SRPX: variants seen among roughly 807,000 people sequenced by gnomAD.
SRPX encodes sushi repeat-containing protein SRPX.
A neutral mutation model predicts 38.1 loss-of-function variants in SRPX; 24 were observed. The ratio of observed to expected loss-of-function variants is 0.63; its 90% CI spans 0.46 to 0.89. The LOEUF is 0.89. SRPX is among the 40% of genes least tolerant of loss of function. SRPX has a pLI of 0.00. For missense variants in SRPX, 416 were observed against 377.8 expected, an observed-to-expected ratio of 1.10 and a Z score of -0.84; for synonymous variants, 184 against 153.8, an observed-to-expected ratio of 1.20 and a Z score of -1.45.
intron 2 of SRPX, 46 bp downstream of exon 2, chrX:38,178,239 T>C (rs1212756256): frequency 1.8e-6 from 2 of 1,088,530 alleles, no homozygotes; most frequent in African/African-American, 3.6e-5. Context: ...AGGAAAGTTC[T>C]CCTGGCACCA....
intron 1 of SRPX, among the ~76,000 whole-genome samples, chrX:38,216,709 C>A (rs373701692): frequency 8.0e-5 from 9 of 112,461 alleles, no homozygotes; most frequent in Non-Finnish European, 1.5e-4. Flanking sequence ...CAAAACTAAA[C>A]CTTCTTCTGT....
intron 1 of SRPX, among the ~76,000 whole-genome samples, chrX:38,184,621 T>C (rs1257325741): frequency 9.0e-6 from 1 of 111,692 alleles, no homozygotes; most frequent in Non-Finnish European, 1.9e-5. Flanking sequence ...GCATGCTTTT[T>C]CTAGGGGAAA....
At chrX:38,158,248 T>C (rs886665871) in intron 7 of SRPX, among the ~76,000 whole-genome samples, 1 of 111,771 alleles carries the variant, frequency 8.9e-6, no homozygotes, top group Non-Finnish European at 1.9e-5. Context: ...AAACAGGACA[T>C]GGGACAAGGC....
At chrX:38,156,635 G>C (rs1938136663) in intron 8 of SRPX, among the ~76,000 whole-genome samples, 1 of 112,420 alleles carries the variant, frequency 8.9e-6, no homozygotes, top group South Asian at 3.7e-4. Context: ...GGCTAGGCCT[G>C]GACAGCATGT....
chrX:38,215,951 T>C (rs1031594909), intron 1 of SRPX, among the ~76,000 whole-genome samples: 1 of 112,356 alleles, frequency 8.9e-6, no homozygotes, highest in Non-Finnish European at 1.9e-5. Flanking sequence ...TCTTACTCTG[T>C]ATGTTGATTT....
intron 4 of SRPX, among the ~76,000 whole-genome samples, chrX:38,167,992 G>C (rs919673842): frequency 9.0e-6 from 1 of 111,390 alleles, no homozygotes; most frequent in Admixed American, 9.6e-5. Flanking sequence ...GCCCAGGCTG[G>C]TCTCGAACTC....
chrX:38,199,222 C>T (rs1000025865), intron 1 of SRPX, among the ~76,000 whole-genome samples: 4 of 110,798 alleles, frequency 3.6e-5, no homozygotes, highest in African/African-American at 9.8e-5. Context: ...CTGGCTAACA[C>T]GGTGAAACCC....
intron 2 of SRPX, among the ~76,000 whole-genome samples, chrX:38,177,859 G>A (rs932437593): frequency 5.3e-5 from 6 of 112,152 alleles, no homozygotes; most frequent in African/African-American, 1.9e-4. Flanking sequence ...AGAGCACGAT[G>A]AAATGAGCTT....
Position 38,157,021 on chromosome X carries a change from C to T in SRPX, c.964G>A (p.Val322Ile), listed in dbSNP as rs763884828. ...GTEPTCAAMN[V>I]NVGVRTAAAL... ...GCTGCCGTTCTGACACCCACATTGA[C>T]GTTCATGGCTGTAATCAGAAATGGC... Residue 322 changes from valine (V) to isoleucine (I), a missense_variant, in exon 8 of 10, where the codon GTC (valine) becomes ATC (isoleucine). Physicochemically the swap from Val to Ile is conservative, Grantham distance 29. Transcript: ENST00000378533. The T allele has an allele frequency of 2.5e-5, 30 of 1,209,127 alleles. No individual in the cohort carries two copies. The highest frequency in any genetic ancestry group is 4.4e-5 in the Admixed American group (2 of 45,715).
intron 1 of SRPX, among the ~76,000 whole-genome samples, chrX:38,212,789 G>C (rs186263188): frequency 9.0e-6 from 1 of 111,025 alleles, no homozygotes; most frequent in Non-Finnish European, 1.9e-5. Context: ...CCCTCAAAAA[G>C]AGCAAGTGGG....
chrX:38,149,933 A>C, intron 9 of SRPX, 39 bp from the exon 10 acceptor site: 6 of 1,129,808 alleles, frequency 5.3e-6, no homozygotes, highest in Non-Finnish European at 7.1e-6. Context: ...AAGTCAAACC[A>C]TGACTCCCAA....
chrX:38,175,229 A>C (rs780874591), intron 2 of SRPX, among the ~76,000 whole-genome samples: 1 of 111,959 alleles, frequency 8.9e-6, no homozygotes, highest in Non-Finnish European at 1.9e-5. Flanking sequence ...AACAGTGAGG[A>C]GTTCCCTAAA....
chrX:38,188,183 C>A (rs1344403694), intron 1 of SRPX, among the ~76,000 whole-genome samples: 1 of 111,629 alleles, frequency 9.0e-6, no homozygotes, highest in Non-Finnish European at 1.9e-5. Context: ...CCAAATGGAA[C>A]AAAGGGATCC....
chrX:38,172,879 C>T (rs905987442), intron 3 of SRPX, among the ~76,000 whole-genome samples: 47 of 112,364 alleles, frequency 4.2e-4, no homozygotes, highest in African/African-American at 1.5e-3. Context: ...GAAAAGAGAA[C>T]GAGAGTGAGA....
At chrX:38,217,700 G>A (rs1042821125) in intron 1 of SRPX, among the ~76,000 whole-genome samples, 3 of 112,014 alleles carry the variant, frequency 2.7e-5, no homozygotes, top group Admixed American at 1.9e-4. Context: ...TAGAATTAGA[G>A]AGACCAAAAG....
At chrX:38,160,759 T>C in intron 6 of SRPX, among the ~76,000 whole-genome samples, 174 bp downstream of exon 6, 2 of 111,505 alleles carry the variant, frequency 1.8e-5, no homozygotes, top group Admixed American at 1.9e-4. Context: ...CGGATGTGTA[T>C]CGTGAAATTC....
chrX:38,170,848 C>T (rs1938452905), intron 4 of SRPX, among the ~76,000 whole-genome samples: 1 of 112,066 alleles, frequency 8.9e-6, no homozygotes, highest in Non-Finnish European at 1.9e-5. Flanking sequence ...CCACCATCAC[C>T]TCTGCCCCTT....
intron 1 of SRPX, among the ~76,000 whole-genome samples, chrX:38,205,709 C>T (rs1939196524): frequency 8.9e-6 from 1 of 111,979 alleles, no homozygotes. Flanking sequence ...GAAAATGAGC[C>T]TTTGATATTC....
At chrX:38,183,733 G>A (rs1191585691) in intron 1 of SRPX, among the ~76,000 whole-genome samples, 2 of 111,745 alleles carry the variant, frequency 1.8e-5, no homozygotes, top group Non-Finnish European at 3.8e-5. Context: ...GTTTTATTAT[G>A]ACATAACTAT....
Sources: allele counts gnomAD v4.1 joint callset (sites outside exome capture counted in the v4.1 genomes callset), GRCh38; gene constraint gnomAD v4.1.1; transcripts MANE v1.5; gene names NCBI Gene and HGNC (gene_info 2026-07-23, HGNC 2026-07-21).